Variants in BTF3L4 observed in about 807,000 individuals in gnomAD.
BTF3L4 encodes the protein basic transcription factor 3 like 4, also known as transcription factor BTF3 homolog 4.
Under a neutral mutation model 16.8 loss-of-function variants are expected in BTF3L4, and 6 were observed. That is an observed-to-expected ratio of 0.36 (90% confidence interval 0.20 to 0.71). BTF3L4 has a LOEUF of 0.71. BTF3L4 is among the 30% of genes least tolerant of loss of function. The probability of loss-of-function intolerance (pLI) is 0.58; values close to 1 mark genes in which losing one functional copy is unlikely to be tolerated. For synonymous variants in BTF3L4, 39 were observed against 59.8 expected (o/e 0.65, Z 1.60); for missense variants, 92 against 186.9 (o/e 0.49, Z 2.96).
chr1:52,088,413 T>C lies in BTF3L4; in HGVS notation c.*1655T>C, dbSNP rs1643991050. ...GAGGAGAATATTTCCTCTTGTGCTT[T>C]TCTTGATGTTGTGTACAGAATTTCC... On this transcript the variant is annotated 3_prime_UTR_variant, in exon 6 of 6. Coordinates refer to ENST00000313334, the MANE Select transcript of BTF3L4 (RefSeq NM_152265.5). The C allele has an allele frequency of 6.6e-6, 1 of 152,642 alleles. No homozygotes were observed. Among genetic ancestry groups the C allele is most frequent in the Admixed American group, 6.5e-5 (1 of 15,270 alleles). 9.5% of individuals were successfully genotyped at this position (152,642 alleles called of 1,614,324 possible).
At chr1:52,083,283 T>C in intron 3 of BTF3L4, 57 bp from the exon 4 acceptor site, 4 of 1,440,988 alleles carry the variant, frequency 2.8e-6, no homozygotes, top group Non-Finnish European at 3.9e-6. Flanking sequence ...TTTTTAAAAA[T>C]ATATTGTTTT....
chr1:52,079,646 A>C (rs1181233821), intron 3 of BTF3L4, among the ~76,000 whole-genome samples: 1 of 152,110 alleles, frequency 6.6e-6, no homozygotes, highest in Admixed American at 6.6e-5. Context: ...AAATATAACA[A>C]CATTTAGCCT....
At chr1:52,071,582 G>A (rs1686787696) in intron 3 of BTF3L4, among the ~76,000 whole-genome samples, 1 of 152,156 alleles carries the variant, frequency 6.6e-6, no homozygotes, top group Non-Finnish European at 1.5e-5. Flanking sequence ...ATTCCAGGTG[G>A]GATTGTTCTG....
At chr1:52,063,767 C>G (rs1686577353) in intron 2 of BTF3L4, among the ~76,000 whole-genome samples, 1 of 152,184 alleles carries the variant, frequency 6.6e-6, no homozygotes, top group South Asian at 2.1e-4. Flanking sequence ...TAAGCATCAT[C>G]CAAATGTCCT....
At chr1:52,057,533 T>G (rs1164102242) in intron 1 of BTF3L4, among the ~76,000 whole-genome samples, 2 of 152,230 alleles carry the variant, frequency 1.3e-5, no homozygotes, top group Non-Finnish European at 2.9e-5. Flanking sequence ...ACTTTGCTGG[T>G]GCTAGCAGAT....
intron 3 of BTF3L4, among the ~76,000 whole-genome samples, chr1:52,077,362 C>T (rs893096011): frequency 6.6e-6 from 1 of 151,880 alleles, no homozygotes; most frequent in African/African-American, 2.4e-5. Context: ...GCCAACATGG[C>T]GAAACCCCAT....
At chr1:52,080,210 G>A (rs944776449) in intron 3 of BTF3L4, among the ~76,000 whole-genome samples, 1 of 152,058 alleles carries the variant, frequency 6.6e-6, no homozygotes, top group African/African-American at 2.4e-5. Context: ...GTATGAGAAT[G>A]ATTTAGTAGG....
At chr1:52,080,523 T>TG (rs1643908086) in intron 3 of BTF3L4, among the ~76,000 whole-genome samples, 1 of 9,500 alleles carries the variant, frequency 1.1e-4, no homozygotes, top group African/African-American at 1.3e-4. Flanking sequence ...TTTTGGGTTT[T>TG]TTTTTTTTTT....
chr1:52,076,371 C>G (rs533918375), intron 3 of BTF3L4, among the ~76,000 whole-genome samples: 2 of 151,896 alleles, frequency 1.3e-5, no homozygotes, highest in Admixed American at 6.6e-5. Flanking sequence ...GTCAGGAGTT[C>G]GAGACTAGCC....
intron 3 of BTF3L4, among the ~76,000 whole-genome samples, chr1:52,075,851 G>C (rs1686919546): frequency 6.6e-6 from 1 of 151,866 alleles, no homozygotes; most frequent in Non-Finnish European, 1.5e-5. Flanking sequence ...TTTTAGTAGA[G>C]ACGGGGTTTT....
At chr1:52,078,730 C>T (rs890241635) in intron 3 of BTF3L4, among the ~76,000 whole-genome samples, 2 of 152,118 alleles carry the variant, frequency 1.3e-5, no homozygotes, top group Non-Finnish European at 2.9e-5. Flanking sequence ...AACTACTATA[C>T]ACATCAGTAT....
intron 1 of BTF3L4, among the ~76,000 whole-genome samples, chr1:52,058,570 C>G (rs1255703058): frequency 6.6e-6 from 1 of 151,450 alleles, no homozygotes; most frequent in Non-Finnish European, 1.5e-5. Flanking sequence ...ATTTGTTGAT[C>G]TGCAGAACAA....
Position 52,090,652 on chromosome 1 carries a change from C to T in BTF3L4, c.*3894C>T, listed in dbSNP as rs1188201549. 1 of 151,940 alleles carries T rather than the reference C, an allele frequency of 6.6e-6. No individual in the cohort carries two copies. The highest frequency in any genetic ancestry group is 1.5e-5 in the Non-Finnish European group (1 of 68,004). The allele number at this position is 151,940 out of a possible 1,614,324, so 9.4% of individuals were successfully genotyped here. On this transcript the variant is annotated 3_prime_UTR_variant, in exon 6 of 6. Coordinates refer to ENST00000313334, the MANE Select transcript of BTF3L4 (RefSeq NM_152265.5). ...CTCGTAGTGCCCAATGTGTAGTTTA[C>T]TCAACATCATAATATGTAATGTTTT... is the stretch of plus-strand genomic sequence containing the variant.
At chr1:52,072,308 C>A (rs1196873773) in intron 3 of BTF3L4, among the ~76,000 whole-genome samples, 1 of 152,062 alleles carries the variant, frequency 6.6e-6, no homozygotes, top group East Asian at 1.9e-4. Context: ...CCTGCCTTGG[C>A]CTCCCAAGTG....
At chr1:52,074,167 T>TG (rs1253166266) in intron 3 of BTF3L4, among the ~76,000 whole-genome samples, 1 of 151,450 alleles carries the variant, frequency 6.6e-6, no homozygotes, top group African/African-American at 2.4e-5. Context: ...CCTTGTTTTT[T>TG]TTTGTTTGTT....
chr1:52,072,836 G>A (rs567562064), intron 3 of BTF3L4, among the ~76,000 whole-genome samples: 3 of 152,240 alleles, frequency 2.0e-5, no homozygotes, highest in Non-Finnish European at 2.9e-5. Flanking sequence ...TGAGGTGGTC[G>A]CATCACGAGG....
rs1172071921 is a variant in BTF3L4 at position 52,088,326 on chromosome 1, C to G, written c.*1568C>G. 6.6e-6 allele frequency: 1 copy of G among 152,382 alleles called. No homozygotes were observed. The highest frequency in any genetic ancestry group is 2.4e-5 in the African/African-American group (1 of 41,382). 9.4% of individuals were successfully genotyped at this position (152,382 alleles called of 1,614,324 possible). ...CCTCAATTTATTTTATAAATTCGTTCATTTTTCCTGTTATGTTTTATATAA... is the reference window on the plus strand; with the variant it reads ...CCTCAATTTATTTTATAAATTCGTTGATTTTTCCTGTTATGTTTTATATAA... On this transcript the variant is annotated 3_prime_UTR_variant, in exon 6 of 6. Coordinates refer to ENST00000313334, the MANE Select transcript of BTF3L4 (RefSeq NM_152265.5).
At chr1:52,057,522 T>C (rs766034179) in intron 1 of BTF3L4, among the ~76,000 whole-genome samples, 46 of 152,360 alleles carry the variant, frequency 3.0e-4, no homozygotes, top group Non-Finnish European at 3.8e-4. Context: ...TTGTAATTTA[T>C]ACTTTGCTGG....
rs1643984727 is a variant in BTF3L4, at chr1:52,087,708, C to A, written c.*950C>A. The A allele has an allele frequency of 6.6e-6, 1 of 152,548 alleles. No homozygotes were observed. Among genetic ancestry groups the A allele is most frequent in the African/African-American group, 2.4e-5 (1 of 41,450 alleles). 9.4% of individuals were successfully genotyped at this position (152,548 alleles called of 1,614,324 possible). On this transcript the variant is annotated 3_prime_UTR_variant, in exon 6 of 6. Transcript: ENST00000313334. ...ATTTTATGCCAGCCTTATCCTGTAT[C>A]CTAGCTGTTCTTAACAGCAGGTACA...
Sources: gnomAD v4.1 joint callset for allele counts (sites outside exome capture counted in the v4.1 genomes callset) on GRCh38, gnomAD v4.1.1 for gene constraint, MANE v1.5 for transcripts, NCBI Gene and HGNC (gene_info 2026-07-23, HGNC 2026-07-21) for gene names.